The following TCF12 variants were observed in gnomAD, a reference collection of about 807,000 sequenced individuals.
The protein encoded by TCF12 is transcription factor 12.
TCF12 carries 45 observed loss-of-function variants against 86.0 expected under a neutral mutation model. That is an observed-to-expected ratio of 0.52 (90% CI 0.41 to 0.67). The LOEUF is 0.67. Ranked by LOEUF, TCF12 falls within the 30% of genes least tolerant of loss-of-function variation. The probability of loss-of-function intolerance (pLI) is 0.00; values close to 1 mark genes in which losing one functional copy is unlikely to be tolerated. For synonymous variants in TCF12, 330 were observed against 299.6 expected, an observed-to-expected ratio of 1.10 and a Z score of -1.05; for missense variants, 881 against 859.9, an observed-to-expected ratio of 1.02 and a Z score of -0.31.
intron 3 of TCF12, among the ~76,000 whole-genome samples, chr15:57,050,182 A>G (rs778367896): frequency 3.3e-5 from 5 of 152,208 alleles, no homozygotes; most frequent in South Asian, 2.1e-4. Context: ...GCTTTGAACA[A>G]TCACGTGCAT....
intron 8 of TCF12, chr15:57,214,095 C>G (rs933220724): frequency 2.6e-5 from 4 of 152,032 alleles, no homozygotes; most frequent in Non-Finnish European, 5.9e-5. Flanking sequence ...CTGCAATTCA[C>G]GTAGGGAAGG....
intron 5 of TCF12, among the ~76,000 whole-genome samples, chr15:57,154,073 C>T (rs1266080772): frequency 1.3e-5 from 2 of 151,268 alleles, no homozygotes; most frequent in South Asian, 2.1e-4. Context: ...AAATAGTAGA[C>T]GTGTAAGAAA....
intron 5 of TCF12, among the ~76,000 whole-genome samples, chr15:57,119,027 G>T (rs1218547994): frequency 6.6e-6 from 1 of 152,022 alleles, no homozygotes; most frequent in Non-Finnish European, 1.5e-5. Context: ...CATGTACTGT[G>T]ATAGGTTAGT....
At chr15:57,197,012 G>A (rs2057297612) in intron 7 of TCF12, among the ~76,000 whole-genome samples, 1 of 151,982 alleles carries the variant, frequency 6.6e-6, no homozygotes, top group African/African-American at 2.4e-5. Flanking sequence ...ATGCTTTTAA[G>A]CCTAATTCTC....
At chr15:57,245,695 C>T (rs933133524) in intron 13 of TCF12, among the ~76,000 whole-genome samples, 1 of 152,194 alleles carries the variant, frequency 6.6e-6, no homozygotes, top group Admixed American at 6.5e-5. Flanking sequence ...TAAAATCTTA[C>T]ATTTCCTCCT....
At chr15:57,111,538 T>C (rs1458970998) in intron 5 of TCF12, among the ~76,000 whole-genome samples, 1 of 151,736 alleles carries the variant, frequency 6.6e-6, no homozygotes, top group Non-Finnish European at 1.5e-5. Flanking sequence ...TCTCCTCTCT[T>C]AGTTTGCCTG....
chr15:56,991,133 T>C (rs2140966744), intron 3 of TCF12, among the ~76,000 whole-genome samples: 1 of 152,296 alleles, frequency 6.6e-6, no homozygotes, highest in East Asian at 1.9e-4. Flanking sequence ...GGGGTTTGCT[T>C]TAGTCTCCCA....
intron 6 of TCF12, among the ~76,000 whole-genome samples, chr15:57,170,294 A>G (rs552688797): frequency 1.7e-3 from 252 of 150,510 alleles, no homozygotes; most frequent in African/African-American, 6.0e-3. Flanking sequence ...TTTTTGAGGC[A>G]AGGTTTCACT....
At chr15:56,918,518 G>A (rs988916372), upstream of TCF12, 1 of 315,572 alleles carries the variant, frequency 3.2e-6, no homozygotes, top group African/African-American at 2.3e-5. Context: ...GCCGCGGTGC[G>A]GCTCCTCCCA....
rs1567316061 is a variant in TCF12, at chr15:57,047,774, G to A, written c.149-15976G>A. 2.0e-5 allele frequency among the ~76,000 whole-genome samples: 3 copies of A among 151,992 alleles called. No homozygotes were observed. The South Asian group carries it at 6.2e-4, about 32-fold the overall frequency. ...CCATTGTTGTGTGTCACTTAATAAC[G>A]GCCATATGTTTTGAGAAATGCCTTG... On this transcript the variant is annotated intron_variant, in intron 3 of 20. Transcript: ENST00000333725.
intron 5 of TCF12, among the ~76,000 whole-genome samples, chr15:57,113,778 TAAAAAA>T (rs34582402): frequency 2.1e-5 from 2 of 95,796 alleles, no homozygotes; most frequent in Non-Finnish European, 1.9e-5. Flanking sequence ...CGTCTCTACT[TAAAAAA>T]AAAAAAAAAA....
At chr15:56,987,492 G>T (rs1271453759) in intron 3 of TCF12, among the ~76,000 whole-genome samples, 2 of 152,086 alleles carry the variant, frequency 1.3e-5, no homozygotes, top group African/African-American at 4.8e-5. Flanking sequence ...TTTAAGCTTT[G>T]AGTGTCTGCC....
intron 14 of TCF12, 32 bp downstream of exon 14, chr15:57,251,455 A>C (rs1192872613): frequency 1.9e-6 from 3 of 1,605,888 alleles, no homozygotes; most frequent in Non-Finnish European, 2.6e-6. Context: ...GTTTTATCTG[A>C]TAGCTTAGAG....
At chr15:57,113,040 T>A (rs2050601028) in intron 5 of TCF12, among the ~76,000 whole-genome samples, 1 of 152,242 alleles carries the variant, frequency 6.6e-6, no homozygotes, top group Non-Finnish European at 1.5e-5. Context: ...CTGTGTGTCC[T>A]ACTTCTAGGA....
chr15:57,271,319 G>C (rs2061131941), intron 18 of TCF12, among the ~76,000 whole-genome samples: 1 of 152,194 alleles, frequency 6.6e-6, no homozygotes, highest in Non-Finnish European at 1.5e-5. Flanking sequence ...CCCTGCCAAA[G>C]TTAGGCATCC....
chr15:57,150,561 A>G (rs72731954), intron 5 of TCF12, among the ~76,000 whole-genome samples: 8,997 of 152,236 alleles, frequency 0.059, 355 homozygotes, highest in Middle Eastern at 0.13. Context: ...ATACAGCAAA[A>G]TCTAGCACCC....
chr15:56,927,963 TC>T (rs1306234269), intron 3 of TCF12, among the ~76,000 whole-genome samples: 1 of 152,198 alleles, frequency 6.6e-6, no homozygotes, highest in East Asian at 1.9e-4. Context: ...TGGAGGGAAT[TC>T]CTGTCATTCT....
At chr15:57,233,714 A>G (rs1422338353) in intron 11 of TCF12, among the ~76,000 whole-genome samples, 1 of 151,696 alleles carries the variant, frequency 6.6e-6, no homozygotes, top group Non-Finnish European at 1.5e-5. Flanking sequence ...TGGGCTCAAG[A>G]GATCTGCCTG....
chr15:57,064,732 G>A (rs2068721536), intron 4 of TCF12, among the ~76,000 whole-genome samples: 3 of 142,128 alleles, frequency 2.1e-5, no homozygotes, highest in African/African-American at 5.4e-5. Flanking sequence ...GGAGGCAGAG[G>A]TTGCAGTGAG....
Sources: gnomAD v4.1 joint callset for allele counts (sites outside exome capture counted in the v4.1 genomes callset) on GRCh38, gnomAD v4.1.1 for gene constraint, MANE v1.5 for transcripts, NCBI Gene and HGNC (gene_info 2026-07-23, HGNC 2026-07-21) for gene names.